Variants in GTF3C1 observed in about 807,000 individuals in gnomAD.
GTF3C1 encodes the protein general transcription factor IIIC subunit 1.
In GTF3C1, 57 loss-of-function variants were observed where a neutral mutation model predicts 226.7. The observed-to-expected ratio is 0.25, with a 90% CI of 0.20 to 0.31. The LOEUF (loss-of-function observed/expected upper bound fraction) is 0.31. Ranked by LOEUF, GTF3C1 falls within the 10% of genes least tolerant of loss-of-function variation. GTF3C1 has a pLI of 1.00. For synonymous variants in GTF3C1, 1,090 were observed against 1,084.8 expected (o/e 1.00, Z -0.09); for missense variants, 2,217 against 2,776.1 (o/e 0.80, Z 4.53).
At chr16:27,474,172 A>C (rs2087918699) in intron 29 of GTF3C1, among the ~76,000 whole-genome samples, 1 of 152,116 alleles carries the variant, frequency 6.6e-6, no homozygotes. Flanking sequence ...TCCAGTCCTC[A>C]CTCAAGAGTC....
chr16:27,543,222 C>T (rs1224360802), intron 2 of GTF3C1, among the ~76,000 whole-genome samples: 1 of 152,132 alleles, frequency 6.6e-6, no homozygotes, highest in African/African-American at 2.4e-5. Context: ...CGAGTCTCTA[C>T]TAAAAATACA....
At chr16:27,496,443 C>T (rs1322427713) in intron 14 of GTF3C1, among the ~76,000 whole-genome samples, 1 of 152,150 alleles carries the variant, frequency 6.6e-6, no homozygotes, top group Non-Finnish European at 1.5e-5. Context: ...AACAGAGTCT[C>T]GCTCTGTTGC....
At chr16:27,467,980 T>A (rs1280060868) in intron 32 of GTF3C1, among the ~76,000 whole-genome samples, 1 of 152,094 alleles carries the variant, frequency 6.6e-6, no homozygotes. Context: ...GAGCCACCAT[T>A]CTAGATGCCA....
At position 27,495,371 on chromosome 16, in the gene GTF3C1, G is replaced by A. The variant is rs2088301171; in HGVS notation, c.2472C>T (p.Ser824=). 3.1e-6 allele frequency: 5 copies of A among 1,614,202 alleles called. No individual in the cohort carries two copies. In the East Asian group the frequency reaches 1.1e-4, roughly 36 times the overall value. The change falls in exon 15 of 37, where the codon AGC becomes AGT. Residue 824 remains serine (S), a synonymous_variant. Transcript: ENST00000356183. ...HPASNTVEKP[S]FISERRTIKQ... ...TTATCGTTCTCCGTTCACTGATGAAGCTTGGCTTCTCCACGGTGTTGCTGG... is the reference window on the plus strand; with the variant it reads ...TTATCGTTCTCCGTTCACTGATGAAACTTGGCTTCTCCACGGTGTTGCTGG...
Position 27,503,052 on chromosome 16 carries a change from C to T in GTF3C1, c.1771-57G>A, listed in dbSNP as rs538533901. On this transcript the variant is annotated intron_variant, in intron 10 of 36. Transcript: ENST00000356183. Reference sequence around the variant, plus strand: ...TGGGCTCGGCAAGGCTTGGGGGCCACGCACCACACCTGTGGGTGCACTGGC... The same window carrying T: ...TGGGCTCGGCAAGGCTTGGGGGCCATGCACCACACCTGTGGGTGCACTGGC... 9.8e-5 allele frequency: 135 copies of T among 1,381,228 alleles called. 2 individuals are homozygous for T. The African/African-American group carries it at 1.6e-3, about 17-fold the overall frequency. 85.6% of individuals were successfully genotyped at this position (1,381,228 alleles called of 1,614,324 possible).
chr16:27,497,523 C>T (rs2088337567), intron 14 of GTF3C1, 114 bp downstream of exon 14: 6 of 797,454 alleles, frequency 7.5e-6, no homozygotes, highest in East Asian at 2.5e-5. Flanking sequence ...AGCTCAGACG[C>T]GATTCTTCTG....
intron 34 of GTF3C1, 71 bp downstream of exon 34, chr16:27,464,249 G>T: frequency 1.0e-6 from 1 of 964,572 alleles, no homozygotes; most frequent in Non-Finnish European, 1.4e-6. Flanking sequence ...GAAGGTGTGA[G>T]GCCCATCAGG....
chr16:27,461,591 C>A lies in GTF3C1; in HGVS notation c.6118-29G>T, dbSNP rs370592766. The A allele has an allele frequency of 2.3e-5, 34 of 1,492,504 alleles. 1 individual carries two copies. The highest frequency in any genetic ancestry group is 3.4e-4 in the Middle Eastern group (2 of 5,852). The allele number at this position is 1,492,504 out of a possible 1,614,324, so 92.5% of individuals were successfully genotyped here. A position where few individuals can be genotyped will look rare whatever the true frequency, so the allele number is the denominator to read the frequency against. Reference sequence around the variant, plus strand: ...GAGACACCAGACACACAGGTTACAGCGGCACTGCCCTCGCCTGCTTGTTGA... The same window carrying A: ...GAGACACCAGACACACAGGTTACAGAGGCACTGCCCTCGCCTGCTTGTTGA... On this transcript the variant is annotated intron_variant, in intron 36 of 36. Coordinates refer to ENST00000356183, the MANE Select transcript of GTF3C1 (RefSeq NM_001520.4). This position sits in a 1 kb window ranked among gnomAD's most constrained non-coding sequence, Gnocchi z 5.3.
rs1471433902 is a variant in GTF3C1, at chr16:27,471,070, T to TG, written c.4527-676dup. ...GGGGAGGAGGAAGTGTCTGCCGTCG[T>TG]GGGGAAGGGATGGGATCAAAGAACC... On this transcript the variant is annotated intron_variant, in intron 30 of 36. Coordinates refer to ENST00000356183, the MANE Select transcript of GTF3C1 (RefSeq NM_001520.4). The surrounding 1 kb of genome is among the most constrained non-coding windows in gnomAD (Gnocchi z 5.0). Among the ~76,000 whole-genome samples the TG allele has an allele frequency of 1.3e-5, 2 of 152,142 alleles. No individual in the cohort carries two copies. The highest frequency in any genetic ancestry group is 2.9e-5 in the Non-Finnish European group (2 of 68,022).
At chr16:27,474,881 G>A (rs1286245878) in intron 29 of GTF3C1, among the ~76,000 whole-genome samples, 2 of 152,218 alleles carry the variant, frequency 1.3e-5, no homozygotes, top group African/African-American at 4.8e-5. Flanking sequence ...GGGCCTCCCT[G>A]ATTGATGGTC....
chr16:27,461,388 G>A lies in GTF3C1; in HGVS notation c.6292C>T (p.Pro2098Ser), dbSNP rs1042119487. The change falls in exon 37 of 37, where the codon CCC becomes TCC. Residue 2098 changes from proline (P) to serine (S), a missense_variant. Coordinates refer to ENST00000356183, the MANE Select transcript of GTF3C1 (RefSeq NM_001520.4). The surrounding 1 kb of genome is among the most constrained non-coding windows in gnomAD (Gnocchi z 5.3). ...DCTLRLGRVF[P>S]HEVNWNKWIH... Reference sequence around the variant, plus strand: ...CACTTGTTCCAGTTGACCTCGTGGGGGAACACACGGCCCAGCCGGAGGGTA... The same window carrying A: ...CACTTGTTCCAGTTGACCTCGTGGGAGAACACACGGCCCAGCCGGAGGGTA... 1 of 1,613,516 alleles carries A rather than the reference G, an allele frequency of 6.2e-7. No individual in the cohort carries two copies. Among genetic ancestry groups the A allele is most frequent in the Middle Eastern group, 1.7e-4 (1 of 6,030 alleles).
At chr16:27,548,719 T>C (rs918911061) in intron 1 of GTF3C1, among the ~76,000 whole-genome samples, 1 of 152,234 alleles carries the variant, frequency 6.6e-6, no homozygotes, top group Admixed American at 6.5e-5. Flanking sequence ...TGACTCAGTG[T>C]CTTCCTCTGT....
chr16:27,506,966 G>A lies in GTF3C1; in HGVS notation c.1433C>T (p.Ser478Leu), dbSNP rs765201909. 9.3e-6 allele frequency: 15 copies of A among 1,612,856 alleles called. No homozygotes were observed. Among genetic ancestry groups the A allele is most frequent in the Admixed American group, 6.7e-5 (4 of 59,982 alleles). Residue 478 changes from serine (S) to leucine (L), a missense_variant, in exon 9 of 37, where the codon TCG (serine) becomes TTG (leucine). Around this residue, in one of 12 missense-constraint regions of GTF3C1, gnomAD observed 173 missense variants for 207.2 expected, o/e 0.83. Transcript: ENST00000356183. ...PEGEDTFLSESDSEEERSSSK... is the reference protein window; with the variant it reads ...PEGEDTFLSELDSEEERSSSK... ...GCTGCTCCTCTCCTCCTCACTGTCC[G>A]ACTCAGAGAGGAAGGTGTCCTCGCC... is the stretch of plus-strand genomic sequence containing the variant.
Position 27,492,838 on chromosome 16 carries a change from C to T in GTF3C1, c.2877-125G>A. On this transcript the variant is annotated intron_variant, in intron 17 of 36. Coordinates refer to ENST00000356183, the MANE Select transcript of GTF3C1 (RefSeq NM_001520.4). This position sits in a 1 kb window ranked among gnomAD's most constrained non-coding sequence, Gnocchi z 5.0. ...TTTCCACCTGGTGGTCACTGGAGGA[C>T]CAGCCTCAAGCCCACACTGCACTAA... The T allele has an allele frequency of 1.5e-6, 1 of 683,544 alleles. No homozygotes were observed. Among genetic ancestry groups the T allele is most frequent in the Non-Finnish European group, 2.6e-6 (1 of 379,012 alleles). The allele number at this position is 683,544 out of a possible 1,614,324, so 42.3% of individuals were successfully genotyped here.
rs567198654 is a variant in GTF3C1, at chr16:27,507,972, T to C, written c.1242+568A>G. On this transcript the variant is annotated intron_variant, in intron 8 of 36. Coordinates refer to ENST00000356183, the MANE Select transcript of GTF3C1 (RefSeq NM_001520.4). This position sits in a 1 kb window ranked among gnomAD's most constrained non-coding sequence, Gnocchi z 4.9. ...GGCCAGCCCCAGCTGACTGTCCCCA[T>C]GTGGGAGTAGGCTCCCGGGGTGGCC... Among the ~76,000 whole-genome samples, 1 of 152,362 alleles carries C rather than the reference T, an allele frequency of 6.6e-6. No homozygotes were observed. Among genetic ancestry groups the C allele is most frequent in the African/African-American group, 2.4e-5 (1 of 41,594 alleles).
chr16:27,531,891 A>G (rs763148581), intron 5 of GTF3C1, among the ~76,000 whole-genome samples: 2 of 152,030 alleles, frequency 1.3e-5, no homozygotes, highest in African/African-American at 4.8e-5. Flanking sequence ...TTCTCCATCT[A>G]TCTTTGATTT....
chr16:27,506,947 C>T lies in GTF3C1; in HGVS notation c.1452G>A (p.Arg484=). 1 of 1,613,878 alleles carries T rather than the reference C, an allele frequency of 6.2e-7. No homozygotes were observed. Among genetic ancestry groups the T allele is most frequent in the Non-Finnish European group, 8.5e-7 (1 of 1,179,864 alleles). ...CTCTGCCTCTCCGCTTGCTGCTGCT[C>T]CTCTCCTCCTCACTGTCCGACTCAG... The part of the protein sequence containing the change: ...FLSESDSEEE[R]SSSKRRGRGS... Residue 484 remains arginine (R), a synonymous_variant, in exon 9 of 37, where the codon AGG becomes AGA. Coordinates refer to ENST00000356183, the MANE Select transcript of GTF3C1 (RefSeq NM_001520.4).
At chr16:27,503,503 C>A (rs189153052) in intron 10 of GTF3C1, among the ~76,000 whole-genome samples, 100 of 152,306 alleles carry the variant, frequency 6.6e-4, no homozygotes, top group African/African-American at 2.3e-3. Flanking sequence ...GGGCCTCTGA[C>A]TCCAGACGGA....
rs547404491 is a variant in GTF3C1, at chr16:27,495,093, C to T, written c.2632+118G>A. The stretch of plus-strand genomic sequence containing the variant: ...GGTTCAGGAAGTGTGGATTATGTTT[C>T]CATTTGGATCAGAGGCTGCAGCCAG... On this transcript the variant is annotated intron_variant, in intron 15 of 36. Coordinates refer to ENST00000356183, the MANE Select transcript of GTF3C1 (RefSeq NM_001520.4). The T allele has an allele frequency of 3.8e-5, 33 of 876,802 alleles. No individual in the cohort carries two copies. The East Asian group carries it at 7.5e-4, about 20-fold the overall frequency. The allele number at this position is 876,802 out of a possible 1,614,324, so 54.3% of individuals were successfully genotyped here.
Sources: allele counts gnomAD v4.1 joint callset (sites outside exome capture counted in the v4.1 genomes callset), GRCh38; gene constraint gnomAD v4.1.1; regional missense constraint gnomAD v4.1.1; non-coding constraint Gnocchi (gnomAD v3.1); transcripts MANE v1.5; gene names NCBI Gene and HGNC (gene_info 2026-07-23, HGNC 2026-07-21).